IL1RAPL1: variants seen among roughly 807,000 people sequenced by gnomAD.
IL1RAPL1 encodes the protein interleukin 1 receptor accessory protein like 1, also known as interleukin-1 receptor accessory protein-like 1.
Under a neutral mutation model 48.4 loss-of-function variants are expected in IL1RAPL1, and 3 were observed. That is an observed-to-expected ratio of 0.06 (90% CI 0.03 to 0.16). The LOEUF (loss-of-function observed/expected upper bound fraction) is 0.16. Among genes scored for constraint, IL1RAPL1 ranks in the 10% least tolerant of loss-of-function variants. IL1RAPL1 has a pLI of 1.00. For missense variants in IL1RAPL1, 349 were observed against 530.6 expected (o/e 0.66, Z 3.36); for synonymous variants, 185 against 187.7 (o/e 0.99, Z 0.12).
At chrX:29,719,377 C>A (rs73456413) in intron 6 of IL1RAPL1, among the ~76,000 whole-genome samples, 7,575 of 111,316 alleles carry the variant, frequency 0.068, 508 homozygotes, top group African/African-American at 0.21. Flanking sequence ...AAGGAATAAT[C>A]ATACCTACCA....
At chrX:29,804,530 T>C (rs1261402403) in intron 6 of IL1RAPL1, among the ~76,000 whole-genome samples, 1 of 111,310 alleles carries the variant, frequency 9.0e-6, no homozygotes, top group Non-Finnish European at 1.9e-5. Flanking sequence ...TGAAATCTGA[T>C]GATTTTATAA....
intron 2 of IL1RAPL1, among the ~76,000 whole-genome samples, chrX:28,901,115 T>A (rs1923064729): frequency 8.9e-6 from 1 of 111,890 alleles, no homozygotes; most frequent in Non-Finnish European, 1.9e-5. Context: ...CCATAGATTA[T>A]ATCAGAAATC....
intron 6 of IL1RAPL1, among the ~76,000 whole-genome samples, chrX:29,876,061 A>C (rs1279936362): frequency 9.0e-6 from 1 of 111,261 alleles, no homozygotes; most frequent in Non-Finnish European, 1.9e-5. Context: ...CCCGTGTATT[A>C]GTTACCTTTC....
chrX:28,915,003 G>A (rs1297310322), intron 2 of IL1RAPL1, among the ~76,000 whole-genome samples: 1 of 111,879 alleles, frequency 8.9e-6, no homozygotes, highest in African/African-American at 3.3e-5. Flanking sequence ...TTTTGTGGAA[G>A]ACAATTTTTC....
At chrX:29,880,608 A>C (rs1360134047) in intron 6 of IL1RAPL1, among the ~76,000 whole-genome samples, 1 of 112,152 alleles carries the variant, frequency 8.9e-6, no homozygotes, top group African/African-American at 3.2e-5. Flanking sequence ...GGAATAAAAA[A>C]TTTCCTCTCT....
intron 8 of IL1RAPL1, among the ~76,000 whole-genome samples, chrX:29,922,028 A>T (rs1932852122): frequency 9.0e-6 from 1 of 111,684 alleles, no homozygotes; most frequent in Non-Finnish European, 1.9e-5. Context: ...TATAGGGCAC[A>T]TAAAAATGTG....
At chrX:29,631,653 G>A (rs982275317) in intron 5 of IL1RAPL1, among the ~76,000 whole-genome samples, 3 of 111,179 alleles carry the variant, frequency 2.7e-5, no homozygotes, top group East Asian at 2.8e-4. Flanking sequence ...TAAATTAGCC[G>A]GGCATGGTGT....
chrX:29,508,998 C>T (rs919839967), intron 5 of IL1RAPL1, among the ~76,000 whole-genome samples: 4 of 112,153 alleles, frequency 3.6e-5, no homozygotes, highest in African/African-American at 1.3e-4. Context: ...TGCAATACCA[C>T]TTTATGCCAG....
chrX:29,837,300 T>TACACACACACAC (rs144007476), intron 6 of IL1RAPL1, among the ~76,000 whole-genome samples: 30 of 55,608 alleles, frequency 5.4e-4, no homozygotes, highest in African/African-American at 2.3e-3. Context: ...TATATATATA[T>TACACACACACAC]ACACACACAC....
At chrX:29,636,989 G>A (rs1206293186) in intron 5 of IL1RAPL1, among the ~76,000 whole-genome samples, 1 of 107,050 alleles carries the variant, frequency 9.3e-6, no homozygotes, top group Non-Finnish European at 1.9e-5. Flanking sequence ...GGAGGCAGAG[G>A]TTGCGGTGAG....
intron 6 of IL1RAPL1, among the ~76,000 whole-genome samples, chrX:29,803,498 TAC>T (rs1323453504): frequency 7.2e-5 from 7 of 97,586 alleles, no homozygotes; most frequent in African/African-American, 2.7e-4. Flanking sequence ...CATCTATGTA[TAC>T]ATATGTGTAT....
At chrX:29,116,186 A>T (rs768759505) in intron 2 of IL1RAPL1, among the ~76,000 whole-genome samples, 1 of 111,375 alleles carries the variant, frequency 9.0e-6, no homozygotes, top group South Asian at 3.7e-4. Context: ...ACCATTTCCA[A>T]AATGCTTGGG....
At chrX:29,292,149 T>C (rs979168475) in intron 3 of IL1RAPL1, among the ~76,000 whole-genome samples, 2 of 112,202 alleles carry the variant, frequency 1.8e-5, no homozygotes, top group Non-Finnish European at 3.8e-5. Context: ...TAATGAGTGA[T>C]TGAGGTTAGT....
At chrX:29,036,745 C>A (rs774636545) in intron 2 of IL1RAPL1, among the ~76,000 whole-genome samples, 1 of 111,221 alleles carries the variant, frequency 9.0e-6, no homozygotes, top group African/African-American at 3.3e-5. Flanking sequence ...TCTCAAAATT[C>A]TATTATTTTG....
At chrX:29,054,424 C>T (rs978675177) in intron 2 of IL1RAPL1, among the ~76,000 whole-genome samples, 2 of 111,212 alleles carry the variant, frequency 1.8e-5, no homozygotes, top group East Asian at 2.8e-4. Flanking sequence ...CTCCTTATTA[C>T]GCTTTGTCTG....
chrX:29,885,520 T>C (rs1476055935), intron 6 of IL1RAPL1, among the ~76,000 whole-genome samples: 2 of 111,479 alleles, frequency 1.8e-5, no homozygotes, highest in Admixed American at 9.6e-5. Flanking sequence ...ATTAAAAGCA[T>C]ATACAATCAG....
chrX:28,789,394 G>C lies in IL1RAPL1; in HGVS notation c.51G>C (p.Gln17His). The stretch of plus-strand genomic sequence containing the variant: ...TTCTCTTATACGCTACTTTTACTCA[G>C]AGTTTGAAGGTTGTGACCAAAAGAG... The part of the protein sequence containing the change: ...HLILLYATFT[Q>H]SLKVVTKRGS... Residue 17 changes from glutamine (Q) to histidine (H), a missense_variant, in exon 2 of 11, where the codon CAG (glutamine) becomes CAC (histidine). Gln to His is a conservative substitution (Grantham distance 24). Transcript: ENST00000378993. 8.3e-7 allele frequency: 1 copy of C among 1,208,599 alleles called. No individual in the cohort carries two copies. The highest frequency in any genetic ancestry group is 1.1e-6 in the Non-Finnish European group (1 of 892,651).
At chrX:29,211,487 G>A (rs890135039) in intron 2 of IL1RAPL1, among the ~76,000 whole-genome samples, 1 of 111,760 alleles carries the variant, frequency 8.9e-6, no homozygotes, top group African/African-American at 3.3e-5. Flanking sequence ...GGTGAAACAA[G>A]ACATATGCTT....
chrX:29,738,454 T>TC (rs1423337688), intron 6 of IL1RAPL1, among the ~76,000 whole-genome samples: 8 of 102,582 alleles, frequency 7.8e-5, no homozygotes, highest in South Asian at 4.5e-4. Context: ...TCTTTTCTTT[T>TC]TTTTTTTTTT....
Sources: allele counts gnomAD v4.1 joint callset (sites outside exome capture counted in the v4.1 genomes callset), GRCh38; gene constraint gnomAD v4.1.1; transcripts MANE v1.5; gene names NCBI Gene and HGNC (gene_info 2026-07-23, HGNC 2026-07-21).